Variants in HMGN5 observed in about 807,000 individuals in gnomAD.
HMGN5 encodes high mobility group nucleosome-binding domain-containing protein 5.
In HMGN5, 4 loss-of-function variants were observed where a neutral mutation model predicts 9.5. That is an observed-to-expected ratio of 0.42 (90% CI 0.21 to 0.96). HMGN5 has a LOEUF of 0.96. Ranked by LOEUF, HMGN5 falls within the 40% of genes least tolerant of loss-of-function variation. The pLI, the probability that HMGN5 is intolerant of heterozygous loss-of-function variation, is 0.30. For missense variants in HMGN5, 192 were observed against 187.5 expected, an observed-to-expected ratio of 1.02 and a Z score of -0.14; for synonymous variants, 55 against 57.1, an observed-to-expected ratio of 0.96 and a Z score of 0.16.
chrX:81,143,618 C>T (rs2075335309), intron 1 of HMGN5, among the ~76,000 whole-genome samples: 1 of 112,062 alleles, frequency 8.9e-6, no homozygotes, highest in Admixed American at 9.4e-5. Context: ...AGACTGTACC[C>T]GGAACAACAG....
At chrX:81,157,424 A>T (rs768965206) in intron 1 of HMGN5, among the ~76,000 whole-genome samples, 1 of 112,201 alleles carries the variant, frequency 8.9e-6, no homozygotes, top group South Asian at 3.7e-4. Flanking sequence ...ATCCCAGGTG[A>T]CCAGCCTTAG....
At chrX:81,132,800 C>A (rs993929122) in intron 1 of HMGN5, among the ~76,000 whole-genome samples, 2 of 111,417 alleles carry the variant, frequency 1.8e-5, no homozygotes, top group Admixed American at 1.9e-4. Flanking sequence ...GATTTTACAA[C>A]AAAGACACCA....
At chrX:81,155,468 G>A (rs190831483) in intron 1 of HMGN5, among the ~76,000 whole-genome samples, 16 of 109,196 alleles carry the variant, frequency 1.5e-4, no homozygotes, top group Middle Eastern at 4.9e-3. Flanking sequence ...AGGAATGTTC[G>A]TAGCAGCTTT....
intron 1 of HMGN5, among the ~76,000 whole-genome samples, chrX:81,175,145 A>T (rs2075438027): frequency 8.9e-6 from 1 of 112,241 alleles, no homozygotes; most frequent in Non-Finnish European, 1.9e-5. Context: ...AGCACTTTGG[A>T]AAAAGAAATG....
chrX:81,163,312 C>T (rs2075402701), intron 1 of HMGN5, among the ~76,000 whole-genome samples: 1 of 112,391 alleles, frequency 8.9e-6, no homozygotes, highest in Admixed American at 9.5e-5. Context: ...TCCATCCCTG[C>T]TGTGTCCTTT....
rs2075268845 is a variant in HMGN5, at chrX:81,121,611, T to G, written c.-62A>C. The G allele has an allele frequency of 1.1e-6, 1 of 909,640 alleles. No homozygotes were observed. Among genetic ancestry groups the G allele is most frequent in the Non-Finnish European group, 1.5e-6 (1 of 651,644 alleles). 75.0% of individuals were successfully genotyped at this position (909,640 alleles called of 1,213,427 possible). Reference sequence around the variant, plus strand: ...AAAAAAGCCGAAGGCAGTCACTGCCTGACTGCTCCAAGAGCAAATGAGTTT... The same window carrying G: ...AAAAAAGCCGAAGGCAGTCACTGCCGGACTGCTCCAAGAGCAAATGAGTTT... On this transcript the variant is annotated 5_prime_UTR_variant, in exon 2 of 7. Transcript: ENST00000358130.
At chrX:81,180,150 C>T in intron 1 of HMGN5, among the ~76,000 whole-genome samples, 1 of 111,623 alleles carries the variant, frequency 9.0e-6, no homozygotes. Context: ...TGGGCAAGGG[C>T]TTCATGTCTA....
At chrX:81,177,825 CT>C (rs1476348307) in intron 1 of HMGN5, among the ~76,000 whole-genome samples, 1 of 111,602 alleles carries the variant, frequency 9.0e-6, no homozygotes, top group Non-Finnish European at 1.9e-5. Flanking sequence ...AAAAACACTC[CT>C]CAGCAAATGT....
Position 81,135,986 on chromosome X carries a change from T to C in HMGN5, c.-123-14314A>G, listed in dbSNP as rs186754396. ...GGGTCAGCCTCCTTTGTCTCCTCTC[T>C]CTTAGCACATAACCAATTCCCCTTC... is the stretch of plus-strand genomic sequence containing the variant. On this transcript the variant is annotated intron_variant, in intron 1 of 6. Coordinates refer to ENST00000358130, the MANE Select transcript of HMGN5 (RefSeq NM_030763.3). 4.0e-3 allele frequency among the ~76,000 whole-genome samples: 444 copies of C among 111,199 alleles called. 2 individuals carry two copies. Among genetic ancestry groups the C allele is most frequent in the Non-Finnish European group, 6.6e-3 (347 of 52,916 alleles).
intron 1 of HMGN5, among the ~76,000 whole-genome samples, chrX:81,199,109 G>A (rs1261967336): frequency 9.0e-6 from 1 of 111,519 alleles, no homozygotes; most frequent in African/African-American, 3.3e-5. Flanking sequence ...GCCAAATCAT[G>A]AGTGAACTCC....
intron 1 of HMGN5, among the ~76,000 whole-genome samples, chrX:81,165,569 T>C (rs986394367): frequency 9.0e-6 from 1 of 111,415 alleles, no homozygotes; most frequent in African/African-American, 3.3e-5. Context: ...CAGGGCATTA[T>C]CCTATAAAAT....
intron 1 of HMGN5, among the ~76,000 whole-genome samples, chrX:81,130,344 T>C (rs987985499): frequency 1.8e-5 from 2 of 111,789 alleles, no homozygotes; most frequent in African/African-American, 6.5e-5. Context: ...GATCTTACCA[T>C]GTATAAAGTA....
Position 81,180,225 on chromosome X carries a change from C to T in HMGN5, c.-124+21512G>A, listed in dbSNP as rs752682560. Among the ~76,000 whole-genome samples, 8 of 111,555 alleles carry T rather than the reference C, an allele frequency of 7.2e-5. No homozygotes were observed. In the East Asian group the frequency reaches 2.0e-3, roughly 28 times the overall value. ...AACGGGATCTAATTAAACTAAAGAG[C>T]TTTTGCACAGCAAAAGAAACTACCA... On this transcript the variant is annotated intron_variant, in intron 1 of 6. Transcript: ENST00000358130.
rs111601701 is a variant in HMGN5, at chrX:81,118,925, G to A, written c.46-166C>T. 1,086 of 404,962 alleles carry A rather than the reference G, an allele frequency of 2.7e-3. 11 individuals are homozygous for A. The highest frequency in any genetic ancestry group is 0.02 in the African/African-American group (766 of 38,590). 33.4% of individuals were successfully genotyped at this position (404,962 alleles called of 1,213,427 possible). On this transcript the variant is annotated intron_variant, in intron 3 of 6. Coordinates refer to ENST00000358130, the MANE Select transcript of HMGN5 (RefSeq NM_030763.3). ...GAGAAATATAAGTTTTGATTTTTCCGTCCTCTGAACACTTTACATACTAAG... is the reference window on the plus strand; with the variant it reads ...GAGAAATATAAGTTTTGATTTTTCCATCCTCTGAACACTTTACATACTAAG...
intron 1 of HMGN5, among the ~76,000 whole-genome samples, chrX:81,181,102 C>T (rs967904920): frequency 1.8e-5 from 2 of 110,339 alleles, no homozygotes; most frequent in African/African-American, 6.6e-5. Flanking sequence ...ATGTAAACAA[C>T]GAGTTGATGG....
At chrX:81,125,872 G>T (rs1282573726) in intron 1 of HMGN5, among the ~76,000 whole-genome samples, 1 of 111,393 alleles carries the variant, frequency 9.0e-6, no homozygotes, top group Non-Finnish European at 1.9e-5. Flanking sequence ...AGTTGGCTGG[G>T]TGTGGTGGCT....
intron 1 of HMGN5, among the ~76,000 whole-genome samples, chrX:81,194,738 T>G (rs1334103354): frequency 9.0e-6 from 1 of 111,723 alleles, no homozygotes; most frequent in Non-Finnish European, 1.9e-5. Context: ...GATCACAGCT[T>G]ATGAAGAATG....
chrX:81,129,350 C>CT (rs5902814), intron 1 of HMGN5, among the ~76,000 whole-genome samples: 17,889 of 110,505 alleles, frequency 0.16, 1,576 homozygotes, highest in East Asian at 0.74. Context: ...ATTGAAATGG[C>CT]TTTTTTTGAT....
intron 2 of HMGN5, 90 bp from the exon 3 acceptor site, chrX:81,119,907 A>G (rs936243655): frequency 1.4e-5 from 11 of 801,332 alleles, no homozygotes; most frequent in African/African-American, 8.2e-5. Flanking sequence ...AAATTTCAAT[A>G]TAATTGCTTA....
Sources: allele counts gnomAD v4.1 joint callset (sites outside exome capture counted in the v4.1 genomes callset), GRCh38; gene constraint gnomAD v4.1.1; transcripts MANE v1.5; gene names NCBI Gene and HGNC (gene_info 2026-07-23, HGNC 2026-07-21).